Variants in CRTC1 observed in about 807,000 individuals in gnomAD.
CRTC1 encodes CREB-regulated transcription coactivator 1.
A neutral mutation model predicts 66.1 loss-of-function variants in CRTC1; 18 were observed. The observed-to-expected ratio is 0.27, with a 90% CI of 0.19 to 0.40. The LOEUF (loss-of-function observed/expected upper bound fraction) is 0.40. Among genes scored for constraint, CRTC1 ranks in the 10% least tolerant of loss-of-function variants. The probability of loss-of-function intolerance (pLI) is 1.00; values close to 1 mark genes in which losing one functional copy is unlikely to be tolerated. For missense variants in CRTC1, 669 were observed against 887.9 expected, an observed-to-expected ratio of 0.75 and a Z score of 3.13; for synonymous variants, 416 against 398.8, an observed-to-expected ratio of 1.04 and a Z score of -0.51.
chr19:18,759,668 C>G lies in CRTC1; in HGVS notation c.665+77C>G, dbSNP rs1303910601. The G allele has an allele frequency of 1.1e-4, 169 of 1,514,042 alleles. 2 individuals are homozygous for G. In the South Asian group the frequency reaches 1.9e-3, roughly 17 times the overall value. The allele number at this position is 1,514,042 out of a possible 1,614,324, so 93.8% of individuals were successfully genotyped here. A position where few individuals can be genotyped will look rare whatever the true frequency, so the allele number is the denominator to read the frequency against. On this transcript the variant is annotated intron_variant, in intron 7 of 13. Transcript: ENST00000321949. Reference sequence around the variant, plus strand: ...TCCACCCTGGGGCATTCTGTCCACTCTCTTGAGGTTGCAAGTCCCTGCAAG... The same window carrying G: ...TCCACCCTGGGGCATTCTGTCCACTGTCTTGAGGTTGCAAGTCCCTGCAAG...
chr19:18,750,351 A>G (rs980171629), intron 5 of CRTC1, among the ~76,000 whole-genome samples: 1 of 152,160 alleles, frequency 6.6e-6, no homozygotes, highest in African/African-American at 2.4e-5. Context: ...TCCTAGCTAT[A>G]GCGAGTGAGA....
chr19:18,755,338 C>T (rs2054459481), intron 6 of CRTC1, among the ~76,000 whole-genome samples: 1 of 152,202 alleles, frequency 6.6e-6, no homozygotes, highest in African/African-American at 2.4e-5. Context: ...TAGCTCACTG[C>T]AGCCTTGGAG....
intron 8 of CRTC1, 25 bp from the exon 9 acceptor site, chr19:18,765,379 T>A: frequency 1.3e-6 from 2 of 1,598,596 alleles, no homozygotes; most frequent in Non-Finnish European, 1.7e-6. Flanking sequence ...ACACCTGCTC[T>A]CCCTCCCTCC....
chr19:18,704,152 T>G (rs1440703185), intron 1 of CRTC1, among the ~76,000 whole-genome samples: 1 of 152,206 alleles, frequency 6.6e-6, no homozygotes, highest in Non-Finnish European at 1.5e-5. Flanking sequence ...AAAATAGGGA[T>G]CTGCCTGTGT....
chr19:18,763,897 G>A (rs768156443), intron 8 of CRTC1, among the ~76,000 whole-genome samples: 2 of 152,236 alleles, frequency 1.3e-5, no homozygotes, highest in African/African-American at 2.4e-5. Context: ...AGATGAGGGA[G>A]TGGCCCAGGG....
chr19:18,759,478 G>C, intron 6 of CRTC1, 73 bp from the exon 7 acceptor site: 2 of 1,488,308 alleles, frequency 1.3e-6, no homozygotes, highest in South Asian at 2.3e-5. Context: ...CCGTTTCAAG[G>C]AGGCCCAGTG....
At chr19:18,693,139 C>T (rs1388021046) in intron 1 of CRTC1, among the ~76,000 whole-genome samples, 14 of 150,432 alleles carry the variant, frequency 9.3e-5, no homozygotes, top group Admixed American at 9.3e-4. Flanking sequence ...ACCTGTAATC[C>T]TAGTATTTTG....
intron 5 of CRTC1, among the ~76,000 whole-genome samples, chr19:18,750,536 C>T (rs1019754771): frequency 1.3e-5 from 2 of 152,198 alleles, no homozygotes; most frequent in African/African-American, 2.4e-5. Context: ...AAAACTGGGG[C>T]GGTGCCATCA....
intron 1 of CRTC1, among the ~76,000 whole-genome samples, chr19:18,700,494 A>G (rs960558981): frequency 1.4e-5 from 2 of 147,194 alleles, no homozygotes; most frequent in African/African-American, 2.5e-5. Context: ...TCTCTGCCAC[A>G]CTTTTTTTTT....
chr19:18,759,418 C>T (rs1600969902), intron 6 of CRTC1, 133 bp from the exon 7 acceptor site: 1 of 949,290 alleles, frequency 1.1e-6, no homozygotes, highest in Non-Finnish European at 1.6e-6. Flanking sequence ...TCTGCGGCCC[C>T]AGCAAGCTTG....
intron 8 of CRTC1, among the ~76,000 whole-genome samples, chr19:18,765,181 C>G (rs191932365): frequency 2.0e-5 from 3 of 152,180 alleles, no homozygotes; most frequent in South Asian, 2.1e-4. Flanking sequence ...TGAGACACCC[C>G]CTTCCTGGAA....
chr19:18,726,686 G>A (rs555109919), intron 1 of CRTC1, among the ~76,000 whole-genome samples: 1 of 152,306 alleles, frequency 6.6e-6, no homozygotes, highest in Non-Finnish European at 1.5e-5. Flanking sequence ...CCTGTACTTT[G>A]GGAGACCAAG....
intron 1 of CRTC1, among the ~76,000 whole-genome samples, chr19:18,735,136 A>G (rs537462999): frequency 2.6e-5 from 4 of 152,322 alleles, no homozygotes; most frequent in South Asian, 2.1e-4. Context: ...AGGGTCAGAC[A>G]TGGGAAGTTC....
At chr19:18,759,250 C>T (rs2054559947) in intron 6 of CRTC1, among the ~76,000 whole-genome samples, 1 of 152,178 alleles carries the variant, frequency 6.6e-6, no homozygotes. Flanking sequence ...CATGTTCTCC[C>T]CAGACTCCTC....
intron 1 of CRTC1, among the ~76,000 whole-genome samples, chr19:18,706,437 C>G (rs1444610729): frequency 6.6e-6 from 1 of 151,830 alleles, no homozygotes; most frequent in African/African-American, 2.4e-5. Context: ...AACTCTTGAC[C>G]TCAGATGATC....
At chr19:18,738,302 G>A (rs938501935) in intron 1 of CRTC1, among the ~76,000 whole-genome samples, 2 of 152,138 alleles carry the variant, frequency 1.3e-5, no homozygotes, top group African/African-American at 2.4e-5. Flanking sequence ...GGGTGACAGA[G>A]TGAGAGCCTG....
intron 1 of CRTC1, among the ~76,000 whole-genome samples, chr19:18,684,187 G>A (rs964680376): frequency 6.6e-6 from 1 of 152,016 alleles, no homozygotes; most frequent in African/African-American, 2.4e-5. Context: ...AGGGGGACAG[G>A]TGCCCCACAT....
chr19:18,716,529 T>C (rs1353631368), intron 1 of CRTC1, among the ~76,000 whole-genome samples: 1 of 152,130 alleles, frequency 6.6e-6, no homozygotes, highest in Non-Finnish European at 1.5e-5. Context: ...GGATTACAGG[T>C]GTGAGCAACT....
intron 1 of CRTC1, among the ~76,000 whole-genome samples, chr19:18,740,898 C>A (rs528235443): frequency 4.9e-4 from 75 of 152,052 alleles, no homozygotes; most frequent in Non-Finnish European, 9.3e-4. Context: ...TCAGCTAGTT[C>A]GGAGGCTGAG....
Sources: allele counts gnomAD v4.1 joint callset (sites outside exome capture counted in the v4.1 genomes callset), GRCh38; gene constraint gnomAD v4.1.1; transcripts MANE v1.5; gene names NCBI Gene and HGNC (gene_info 2026-07-23, HGNC 2026-07-21).